The following RNF32 variants were observed in gnomAD, a reference collection of about 807,000 sequenced individuals.
RNF32 encodes the protein ring finger protein 32.
In RNF32, 36 loss-of-function variants were observed where a neutral mutation model predicts 41.0. The ratio of observed to expected loss-of-function variants is 0.88; its 90% CI spans 0.67 to 1.16. RNF32 has a LOEUF of 1.16. RNF32 is among the 50% of genes most tolerant of loss of function. RNF32 has a pLI of 0.00. For synonymous variants in RNF32, 154 were observed against 160.9 expected, an observed-to-expected ratio of 0.96 and a Z score of 0.32; for missense variants, 413 against 436.7, an observed-to-expected ratio of 0.95 and a Z score of 0.48.
At chr7:156,642,911 T>TG (rs929668342) in intron 1 of RNF32, 15 of 152,218 alleles carry the variant, frequency 9.9e-5, no homozygotes, top group African/African-American at 3.4e-4. Context: ...AGAAGAAATA[T>TG]GTTCAAGGGC....
Position 156,675,685 on chromosome 7 carries a change from C to A in RNF32, c.685-11C>A, listed in dbSNP as rs202182456. The A allele has an allele frequency of 6.2e-7, 1 of 1,605,934 alleles. No homozygotes were observed. Among genetic ancestry groups the A allele is most frequent in the Non-Finnish European group, 8.5e-7 (1 of 1,172,964 alleles). On this transcript the variant is annotated splice_polypyrimidine_tract_variant and intron_variant, in intron 7 of 8. Coordinates refer to ENST00000317955, the MANE Select transcript of RNF32 (RefSeq NM_030936.4). Reference sequence around the variant, plus strand: ...CAGGTGTGAGCTTACCCGCCCCCGCCTCCTCCTCAGTTCACAGAAATCAGC... The same window carrying A: ...CAGGTGTGAGCTTACCCGCCCCCGCATCCTCCTCAGTTCACAGAAATCAGC...
At chr7:156,659,737 T>G (rs1455883467) in intron 7 of RNF32, 1 of 724,744 alleles carries the variant, frequency 1.4e-6, no homozygotes, top group Non-Finnish European at 1.7e-6. Flanking sequence ...TGGCCCAGGT[T>G]GCTGGAAACA....
rs991021683 is a variant in RNF32, at chr7:156,675,631, G to A, written c.685-65G>A. ...TACCAAAATAGATGGTCAGGCTCGA[G>A]AGCGCTTCCCTGCAACCTCCACCGA... On this transcript the variant is annotated intron_variant, in intron 7 of 8. Coordinates refer to ENST00000317955, the MANE Select transcript of RNF32 (RefSeq NM_030936.4). 7 of 1,422,256 alleles carry A rather than the reference G, an allele frequency of 4.9e-6. No individual in the cohort carries two copies. In the African/African-American group the frequency reaches 7.2e-5, roughly 15 times the overall value. The allele number at this position is 1,422,256 out of a possible 1,614,324, so 88.1% of individuals were successfully genotyped here.
At chr7:156,650,129 G>T (rs1380176191) in intron 3 of RNF32, among the ~76,000 whole-genome samples, 3 of 152,222 alleles carry the variant, frequency 2.0e-5, no homozygotes, top group African/African-American at 7.2e-5. Context: ...TTAATGGTGT[G>T]TGTCATTGTT....
chr7:156,675,932 T>C, intron 8 of RNF32, 69 bp downstream of exon 8: 1 of 1,501,582 alleles, frequency 6.7e-7, no homozygotes, highest in Non-Finnish European at 9.1e-7. Flanking sequence ...GGGAGTGGCA[T>C]GTGGGGGGAG....
upstream of RNF32, chr7:156,640,668 C>CG: frequency 3.1e-6 from 1 of 318,926 alleles, no homozygotes. Context: ...CAGTATGGGG[C>CG]GGGGCGGGGC....
rs1427415180 is a variant in RNF32 at position 156,670,295 on chromosome 7, A to G, written c.685-5401A>G. 1.3e-5 allele frequency among the ~76,000 whole-genome samples: 2 copies of G among 152,182 alleles called. No homozygotes were observed. The highest frequency in any genetic ancestry group is 2.9e-5 in the Non-Finnish European group (2 of 68,022). On this transcript the variant is annotated intron_variant, in intron 7 of 8. Transcript: ENST00000317955. The surrounding 1 kb of genome is among the most constrained non-coding windows in gnomAD (Gnocchi z 4.3). ...TGACTTTGGCTCTTGATACACACACATTCTAGTCAGGCCCTGCCTTCAGCT... is the reference window on the plus strand; with the variant it reads ...TGACTTTGGCTCTTGATACACACACGTTCTAGTCAGGCCCTGCCTTCAGCT...
At chr7:156,641,712 A>G (rs1197162387) in intron 1 of RNF32, among the ~76,000 whole-genome samples, 1 of 152,224 alleles carries the variant, frequency 6.6e-6, no homozygotes, top group African/African-American at 2.4e-5. Flanking sequence ...CTATGACCGG[A>G]CCATTTTTAG....
Position 156,644,725 on chromosome 7 carries a change from T to G in RNF32, c.242T>G (p.Val81Gly). ...CTAGAAGACTCAGAAAAAGAATATG[T>G]TCTTGATCCCAAACCGCCGCCGTTG... is the stretch of plus-strand genomic sequence containing the variant. ...PKLEDSEKEY[V>G]LDPKPPPLTL... The change falls in exon 3 of 9, where the codon GTT becomes GGT. Residue 81 changes from valine (V) to glycine (G), a missense_variant. Val to Gly is a moderately radical substitution (Grantham distance 109). Coordinates refer to ENST00000317955, the MANE Select transcript of RNF32 (RefSeq NM_030936.4). 1.2e-6 allele frequency: 2 copies of G among 1,610,610 alleles called. No individual in the cohort carries two copies. The highest frequency in any genetic ancestry group is 1.7e-6 in the Non-Finnish European group (2 of 1,179,424).
At chr7:156,658,291 G>T (rs1800043022) in intron 6 of RNF32, 39 bp downstream of exon 6, 3 of 1,605,848 alleles carry the variant, frequency 1.9e-6, no homozygotes, top group Non-Finnish European at 2.5e-6. Context: ...AGCAGACACA[G>T]ATCAGGCTAT....
intron 4 of RNF32, among the ~76,000 whole-genome samples, chr7:156,656,547 T>C (rs1039577462): frequency 6.6e-6 from 1 of 152,256 alleles, no homozygotes; most frequent in Non-Finnish European, 1.5e-5. Context: ...GAAAAGGTTT[T>C]ACAACTTTCT....
intron 3 of RNF32, among the ~76,000 whole-genome samples, chr7:156,647,544 G>GGT (rs1386145055): frequency 2.6e-5 from 4 of 152,078 alleles, no homozygotes; most frequent in Non-Finnish European, 4.4e-5. Flanking sequence ...AGTATTCCAT[G>GGT]GTGTATATAT....
chr7:156,646,039 A>T (rs940492249), intron 3 of RNF32, among the ~76,000 whole-genome samples: 2 of 152,262 alleles, frequency 1.3e-5, no homozygotes, highest in African/African-American at 4.8e-5. Context: ...TGGGATGCAT[A>T]TAGCATGCAA....
At chr7:156,651,041 T>C (rs1798646105) in intron 3 of RNF32, among the ~76,000 whole-genome samples, 1 of 152,146 alleles carries the variant, frequency 6.6e-6, no homozygotes, top group Non-Finnish European at 1.5e-5. Flanking sequence ...TTCATCACAC[T>C]TGTAGCTGCT....
chr7:156,646,287 A>T (rs1438093229), intron 3 of RNF32, among the ~76,000 whole-genome samples: 1 of 152,266 alleles, frequency 6.6e-6, no homozygotes, highest in East Asian at 1.9e-4. Context: ...CCAGAAGTCC[A>T]AAATGGCGCT....
intron 7 of RNF32, among the ~76,000 whole-genome samples, chr7:156,662,593 G>A (rs777493529): frequency 8.7e-4 from 132 of 151,968 alleles, no homozygotes; most frequent in Non-Finnish European, 1.7e-3. Context: ...GTCTCTGCCT[G>A]ACTGCTTGAC....
intron 5 of RNF32, chr7:156,657,843 CT>C (rs1799959120): frequency 1.7e-6 from 1 of 597,226 alleles, no homozygotes; most frequent in African/African-American, 1.9e-5. Context: ...CATGATCGAT[CT>C]GCATGTGGCC....
intron 3 of RNF32, among the ~76,000 whole-genome samples, chr7:156,646,270 C>G (rs994278876): frequency 6.6e-6 from 1 of 152,184 alleles, no homozygotes; most frequent in Admixed American, 6.5e-5. Flanking sequence ...TCTCAGTGTC[C>G]TGGAGGCCAG....
chr7:156,660,359 A>G (rs956360552), intron 7 of RNF32: 5 of 926,804 alleles, frequency 5.4e-6, no homozygotes, highest in Non-Finnish European at 6.4e-6. Context: ...TAGCTTGTAT[A>G]TTACAAATGT....
Sources: gnomAD v4.1 joint callset for allele counts (sites outside exome capture counted in the v4.1 genomes callset) on GRCh38, gnomAD v4.1.1 for gene constraint, Gnocchi (gnomAD v3.1) non-coding constraint, MANE v1.5 for transcripts, NCBI Gene and HGNC (gene_info 2026-07-23, HGNC 2026-07-21) for gene names.